Variants in KLRG1 observed in about 807,000 individuals in gnomAD.
The protein encoded by KLRG1 is killer cell lectin like receptor G1.
Under a neutral mutation model 21.8 loss-of-function variants are expected in KLRG1, and 16 were observed. The observed-to-expected ratio is 0.73, with a 90% CI of 0.50 to 1.11. KLRG1 has a LOEUF of 1.11. KLRG1 is among the 50% of genes most tolerant of loss of function. KLRG1 has a pLI of 0.00. For missense variants in KLRG1, 173 were observed against 218.3 expected, an observed-to-expected ratio of 0.79 and a Z score of 1.31; for synonymous variants, 69 against 75.9, an observed-to-expected ratio of 0.91 and a Z score of 0.47.
At chr12:9,088,554 A>G in the KLRG1 span, among the ~76,000 whole-genome samples, 7 of 152,218 alleles carry the variant, frequency 4.6e-5, no homozygotes, top group Non-Finnish European at 7.4e-5. Context: ...TACGAAAAAC[A>G]TACTAAATTT....
chr12:9,153,219 T>A, the KLRG1 span: 2 of 1,614,190 alleles, frequency 1.2e-6, no homozygotes, highest in Non-Finnish European at 8.5e-7. Flanking sequence ...GAGGTTGTTG[T>A]TGTCTACTTG....
At chr12:9,148,849 C>G in the KLRG1 span, 1 of 789,630 alleles carries the variant, frequency 1.3e-6, no homozygotes, top group Admixed American at 2.5e-5. Flanking sequence ...ATAGTTTGAC[C>G]AGAAGTACAT....
chr12:9,208,294 G>A, the KLRG1 span: 1 of 1,613,782 alleles, frequency 6.2e-7, no homozygotes, highest in Non-Finnish European at 8.5e-7. Flanking sequence ...CAGAAAGCAG[G>A]ATAAGAAGTA....
At chr12:9,185,943 G>A in the KLRG1 span, among the ~76,000 whole-genome samples, 1 of 151,738 alleles carries the variant, frequency 6.6e-6, no homozygotes, top group Non-Finnish European at 1.5e-5. Flanking sequence ...GAGTAGCTGG[G>A]ACTACAGGCG....
the KLRG1 span, among the ~76,000 whole-genome samples, chr12:9,183,209 A>G: frequency 6.6e-6 from 1 of 152,222 alleles, no homozygotes; most frequent in Non-Finnish European, 1.5e-5. Context: ...TCTAACACAC[A>G]ACATGAAGAC....
chr12:9,104,509 G>A, the KLRG1 span: 10 of 1,190,910 alleles, frequency 8.4e-6, no homozygotes, highest in South Asian at 3.2e-5. Flanking sequence ...CATGGTTCCA[G>A]GCACTGAGGA....
At chr12:9,194,082 C>T in the KLRG1 span, 3 of 1,612,654 alleles carry the variant, frequency 1.9e-6, no homozygotes, top group Non-Finnish European at 2.5e-6. Context: ...CTTACCCGGA[C>T]AAAAAGTTTA....
chr12:9,181,311 C>T, the KLRG1 span, among the ~76,000 whole-genome samples: 12,191 of 152,260 alleles, frequency 0.08, 536 homozygotes, highest in African/African-American at 0.12. Context: ...TTGTAAATCA[C>T]TTATTACCAC....
At chr12:9,067,084 T>G in the KLRG1 span, 1 of 152,272 alleles carries the variant, frequency 6.6e-6, no homozygotes, top group Non-Finnish European at 1.5e-5. Context: ...CATCAGAATA[T>G]CTCCTTGACT....
At chr12:9,208,423 A>G in the KLRG1 span, 1 of 1,074,322 alleles carries the variant, frequency 9.3e-7, no homozygotes, top group Non-Finnish European at 1.4e-6. Flanking sequence ...ACCAGGCTTT[A>G]TGTGGCCACT....
the KLRG1 span, chr12:9,196,560 A>C: frequency 1.3e-4 from 210 of 1,590,264 alleles, no homozygotes; most frequent in East Asian, 4.6e-3. Flanking sequence ...ATATTCGTTC[A>C]TTACTCACAC....
At chr12:9,093,593 G>C in the KLRG1 span, 1 of 1,461,910 alleles carries the variant, frequency 6.8e-7, no homozygotes, top group Non-Finnish European at 9.4e-7. Context: ...TGGTGAGTGA[G>C]GAAGAAGACA....
chr12:9,077,480 C>A, the KLRG1 span: 1 of 1,521,842 alleles, frequency 6.6e-7, no homozygotes, highest in East Asian at 2.3e-5. Flanking sequence ...TTGATTAGTT[C>A]TTTCTATTCT....
the KLRG1 span, chr12:9,058,760 A>G: frequency 1.3e-5 from 2 of 148,808 alleles, no homozygotes; most frequent in Non-Finnish European, 3.0e-5. Flanking sequence ...GATCCCCTAG[A>G]AGGACTGTTC....
At chr12:9,123,960 A>T in the KLRG1 span, among the ~76,000 whole-genome samples, 8 of 148,614 alleles carry the variant, frequency 5.4e-5, no homozygotes, top group South Asian at 8.5e-4. Context: ...TGCCGCCCTT[A>T]ACCCATTTCC....
the KLRG1 span, chr12:9,152,189 AT>A: frequency 7.0e-7 from 1 of 1,435,190 alleles, no homozygotes; most frequent in Non-Finnish European, 9.8e-7. Context: ...ATACTTTTGT[AT>A]GAAGTCTATT....
At chr12:9,050,455 G>C in the KLRG1 span, among the ~76,000 whole-genome samples, 1 of 152,166 alleles carries the variant, frequency 6.6e-6, no homozygotes, top group African/African-American at 2.4e-5. Flanking sequence ...TTCTGAGTTG[G>C]GGTGGGGGCT....
At chr12:9,179,459 A>G in the KLRG1 span, among the ~76,000 whole-genome samples, 1 of 152,358 alleles carries the variant, frequency 6.6e-6, no homozygotes, top group East Asian at 1.9e-4. Flanking sequence ...ATGAATTAAT[A>G]TAACTATAGT....
the KLRG1 span, among the ~76,000 whole-genome samples, chr12:9,206,204 A>T: frequency 6.6e-6 from 1 of 151,860 alleles, no homozygotes; most frequent in East Asian, 1.9e-4. Context: ...TTACATCCCC[A>T]TCAAAAAATT....
Sources: allele counts gnomAD v4.1 joint callset (sites outside exome capture counted in the v4.1 genomes callset), GRCh38; gene constraint gnomAD v4.1.1; transcripts MANE v1.5; gene names NCBI Gene and HGNC (gene_info 2026-07-23, HGNC 2026-07-21).